PTPN14: variants seen among roughly 807,000 people sequenced by gnomAD.
The protein encoded by PTPN14 is protein tyrosine phosphatase non-receptor type 14.
PTPN14 carries 53 observed loss-of-function variants against 126.8 expected under a neutral mutation model. The observed-to-expected ratio is 0.42, with a 90% CI of 0.34 to 0.53. PTPN14 has a LOEUF of 0.53. Ranked by LOEUF, PTPN14 falls within the 20% of genes least tolerant of loss-of-function variation. The pLI, the probability that PTPN14 is intolerant of heterozygous loss-of-function variation, is 0.08. For missense variants in PTPN14, 1,257 were observed against 1,552.9 expected, an observed-to-expected ratio of 0.81 and a Z score of 3.20; for synonymous variants, 630 against 599.3, an observed-to-expected ratio of 1.05 and a Z score of -0.75.
In PTPN14 at chr1:214,482,417, T is replaced by C. The variant is rs1439643312; in HGVS notation, c.-154-17460A>G. Among the ~76,000 whole-genome samples the C allele has an allele frequency of 3.3e-5, 5 of 152,220 alleles. No homozygotes were observed. In the South Asian group the frequency reaches 8.3e-4, roughly 25 times the overall value. On this transcript the variant is annotated intron_variant, in intron 1 of 18. Coordinates refer to ENST00000366956, the MANE Select transcript of PTPN14 (RefSeq NM_005401.5). ...CTTTAAATAACAATTGTGTGACAAATAGCAGAAGGAATTAAGGAATGCTGC... is the reference window on the plus strand; with the variant it reads ...CTTTAAATAACAATTGTGTGACAAACAGCAGAAGGAATTAAGGAATGCTGC...
At chr1:214,521,846 T>C (rs1425798465) in intron 1 of PTPN14, among the ~76,000 whole-genome samples, 2 of 151,914 alleles carry the variant, frequency 1.3e-5, no homozygotes, top group Non-Finnish European at 2.9e-5. Context: ...CATCCCCCAG[T>C]TGTTTGTCAG....
chr1:214,516,144 G>GT (rs1443995612), intron 1 of PTPN14, among the ~76,000 whole-genome samples: 1 of 152,132 alleles, frequency 6.6e-6, no homozygotes, highest in Non-Finnish European at 1.5e-5. Flanking sequence ...AAATTTCTCT[G>GT]TATTGGCACC....
In PTPN14 at chr1:214,352,413, T is replaced by G. The variant is rs1657723983; in HGVS notation, c.*5509A>C. The G allele has an allele frequency of 6.6e-6, 1 of 152,200 alleles. No homozygotes were observed. The highest frequency in any genetic ancestry group is 6.5e-5 in the Admixed American group (1 of 15,276). The allele number at this position is 152,200 out of a possible 1,614,324, so 9.4% of individuals were successfully genotyped here. A position where few individuals can be genotyped will look rare whatever the true frequency, so the allele number is the denominator to read the frequency against. ...AGGCTGGATAAAGGCTGAGTGTTGA[T>G]GGCGCAAGCTGGTGGTCAAGTTTCA... On this transcript the variant is annotated 3_prime_UTR_variant, in exon 19 of 19. Coordinates refer to ENST00000366956, the MANE Select transcript of PTPN14 (RefSeq NM_005401.5).
chr1:214,362,079 T>C (rs2102506467), intron 18 of PTPN14, among the ~76,000 whole-genome samples: 1 of 143,744 alleles, frequency 7.0e-6, no homozygotes, highest in Admixed American at 6.9e-5. Flanking sequence ...AGAAAAATGG[T>C]CCCACAATTT....
chr1:214,533,396 A>G, intron 1 of PTPN14: 1 of 432,892 alleles, frequency 2.3e-6, no homozygotes, highest in Non-Finnish European at 4.4e-6. Context: ...AAACCATTCA[A>G]AAGACCACCA....
chr1:214,418,585 AGTGAAAATAAAACACCACTACCCG>A (rs1435261927), intron 3 of PTPN14, among the ~76,000 whole-genome samples: 1 of 152,278 alleles, frequency 6.6e-6, no homozygotes, highest in Non-Finnish European at 1.5e-5. Flanking sequence ...TAAAAATAAA[AGTGAAAATAAAACACCACTACCCG>A]GTGATTTTTA....
chr1:214,424,959 ATC>A (rs1558096456), intron 3 of PTPN14, among the ~76,000 whole-genome samples: 1 of 147,002 alleles, frequency 6.8e-6, no homozygotes, highest in South Asian at 2.1e-4. Context: ...ATGCCTATCC[ATC>A]TCTGTTTTTT....
In PTPN14 at chr1:214,384,186, G is replaced by C; in HGVS notation, c.1669C>G (p.His557Asp). 1 of 1,606,642 alleles carries C rather than the reference G, an allele frequency of 6.2e-7. No homozygotes were observed. Reference protein sequence around the residue: ...LQGSHNYSTAHMLKNYLFRPP... With the variant: ...LQGSHNYSTADMLKNYLFRPP... ...CTGAAGAGATAGTTCTTAAGCATGT[G>C]GGCCGTGCTGTAGTTATGGCTGCCC... is the stretch of plus-strand genomic sequence containing the variant. Residue 557 changes from histidine (H) to aspartate (D), a missense_variant, in exon 13 of 19, where the codon CAC becomes GAC. His to Asp is a moderately conservative substitution (Grantham distance 81). Around this residue, in one of 3 missense-constraint regions of PTPN14, gnomAD observed 1,021 missense variants for 1,183.3 expected, o/e 0.86. Transcript: ENST00000366956. The surrounding 1 kb of genome is among the most constrained non-coding windows in gnomAD (Gnocchi z 5.3).
At chr1:214,537,243 G>GA (rs1487545423) in intron 1 of PTPN14, among the ~76,000 whole-genome samples, 1 of 152,138 alleles carries the variant, frequency 6.6e-6, no homozygotes, top group African/African-American at 2.4e-5. Context: ...CACTGCTAGG[G>GA]AAAATAATGG....
chr1:214,482,260 G>C (rs1337540682), intron 1 of PTPN14, among the ~76,000 whole-genome samples: 1 of 112,160 alleles, frequency 8.9e-6, no homozygotes. Context: ...TGAGTCAGAG[G>C]GTTGTAAAAA....
intron 3 of PTPN14, among the ~76,000 whole-genome samples, chr1:214,424,647 C>A (rs1172735773): frequency 6.6e-6 from 1 of 152,054 alleles, no homozygotes. Flanking sequence ...CCTGCCTCAG[C>A]CTCCCGAGTA....
chr1:214,420,634 A>C (rs1376493281), intron 3 of PTPN14, among the ~76,000 whole-genome samples: 1 of 152,242 alleles, frequency 6.6e-6, no homozygotes, highest in Non-Finnish European at 1.5e-5. Context: ...AGTACTGTTT[A>C]TAAGTATAAT....
At chr1:214,373,612 G>T (rs1159429607) in intron 15 of PTPN14, among the ~76,000 whole-genome samples, 2 of 135,834 alleles carry the variant, frequency 1.5e-5, no homozygotes, top group African/African-American at 2.8e-5. Context: ...CACACACCTG[G>T]TCATGACCAC....
At chr1:214,439,648 G>A (rs1231747370) in intron 3 of PTPN14, among the ~76,000 whole-genome samples, 2 of 152,156 alleles carry the variant, frequency 1.3e-5, no homozygotes, top group African/African-American at 2.4e-5. Context: ...AACATGTCCC[G>A]CTATGATTAC....
chr1:214,506,094 C>G (rs558434185), intron 1 of PTPN14, among the ~76,000 whole-genome samples: 1 of 152,162 alleles, frequency 6.6e-6, no homozygotes, highest in African/African-American at 2.4e-5. Flanking sequence ...AGGACAATTC[C>G]TTCGATTACT....
In PTPN14 at chr1:214,544,491, T is replaced by C. The variant is rs551175707; in HGVS notation, c.-155+6692A>G. ...AAGGCTGGGCTCAGTGGCTCACGCC[T>C]GTAATCCCAACCCTTTGGGAGGCCA... On this transcript the variant is annotated intron_variant, in intron 1 of 18. Transcript: ENST00000366956. Among the ~76,000 whole-genome samples the C allele has an allele frequency of 1.8e-4, 28 of 152,272 alleles. No individual in the cohort carries two copies. In the South Asian group the frequency reaches 5.4e-3, roughly 29 times the overall value.
chr1:214,483,436 G>T, intron 1 of PTPN14: 1 of 1,216,440 alleles, frequency 8.2e-7, no homozygotes, highest in Non-Finnish European at 1.2e-6. Context: ...GGCGGGAGCG[G>T]GCGCACAAGC....
At chr1:214,502,109 G>A (rs760038053) in intron 1 of PTPN14, among the ~76,000 whole-genome samples, 63 of 151,166 alleles carry the variant, frequency 4.2e-4, no homozygotes, top group Non-Finnish European at 8.4e-4. Flanking sequence ...ACTTTATAAG[G>A]TGTGATTGAC....
chr1:214,524,628 GACA>G (rs1197529475), intron 1 of PTPN14, among the ~76,000 whole-genome samples: 1 of 152,052 alleles, frequency 6.6e-6, no homozygotes. Flanking sequence ...TTCCAGCCTG[GACA>G]ACAAAGAGAG....
Sources: gnomAD v4.1 joint callset for allele counts (sites outside exome capture counted in the v4.1 genomes callset) on GRCh38, gnomAD v4.1.1 for gene constraint, gnomAD v4.1.1 regional missense constraint, Gnocchi (gnomAD v3.1) non-coding constraint, MANE v1.5 for transcripts, NCBI Gene and HGNC (gene_info 2026-07-23, HGNC 2026-07-21) for gene names.